Variants in C4orf50 observed in about 807,000 individuals in gnomAD.
C4orf50 encodes uncharacterized protein C4orf50.
C4orf50 carries 80 observed loss-of-function variants against 77.2 expected under a neutral mutation model. That is an observed-to-expected ratio of 1.04 (90% CI 0.87 to 1.25). C4orf50 has a LOEUF of 1.25. C4orf50 is among the 50% of genes most tolerant of loss of function. C4orf50 has a pLI of 0.00. For missense variants in C4orf50, 1,257 were observed against 1,152.9 expected (o/e 1.09, Z -1.31); for synonymous variants, 532 against 465.3 (o/e 1.14, Z -1.84).
chr4:5,991,523 T>C (rs1721296228), intron 27 of C4orf50, among the ~76,000 whole-genome samples: 1 of 152,188 alleles, frequency 6.6e-6, no homozygotes, highest in Non-Finnish European at 1.5e-5. Flanking sequence ...TTCACTTATG[T>C]GATGTGTTTA....
intron 7 of C4orf50, among the ~76,000 whole-genome samples, chr4:5,917,414 T>C (rs929130785): frequency 9.4e-6 from 1 of 105,982 alleles, no homozygotes; most frequent in Admixed American, 8.6e-5. Flanking sequence ...TTCTTTTTTT[T>C]TTTTTTTTTT....
chr4:5,997,593 C>A (rs1183480129), intron 25 of C4orf50, among the ~76,000 whole-genome samples: 1 of 152,204 alleles, frequency 6.6e-6, no homozygotes, highest in Non-Finnish European at 1.5e-5. Flanking sequence ...TACATTTCAA[C>A]CCTCAAGAAA....
intron 30 of C4orf50, among the ~76,000 whole-genome samples, chr4:5,975,095 G>A (rs897500433): frequency 3.9e-5 from 5 of 127,172 alleles, no homozygotes; most frequent in East Asian, 2.8e-4. Context: ...AGCCAAAATC[G>A]TACCATTGCA....
intron 7 of C4orf50, among the ~76,000 whole-genome samples, chr4:5,938,523 T>C (rs1225759176): frequency 1.3e-5 from 2 of 152,190 alleles, no homozygotes; most frequent in African/African-American, 2.4e-5. Context: ...CTTCCCAGCA[T>C]TGAATAAGAA....
chr4:5,980,348 TCA>T lies in C4orf50; in HGVS notation c.3700-12_3700-11del, dbSNP rs1428848799. 1.2e-6 allele frequency: 2 copies of T among 1,608,098 alleles called. No homozygotes were observed. The highest frequency in any genetic ancestry group is 2.7e-5 in the African/African-American group (2 of 74,576). ...CCTCTGAGTCCCGGAGCTGCGGAAA[TCA>T]CAGATTTGAATGAAATGTTTAGGTT... On this transcript the variant is annotated splice_polypyrimidine_tract_variant and intron_variant, in intron 28 of 33. Coordinates refer to ENST00000531445, the Ensembl canonical transcript of C4orf50.
At chr4:5,983,086 C>A (rs916978600) in intron 28 of C4orf50, among the ~76,000 whole-genome samples, 2 of 152,164 alleles carry the variant, frequency 1.3e-5, no homozygotes, top group African/African-American at 4.8e-5. Context: ...CACCAAGTCC[C>A]GTGGACTCCA....
chr4:5,989,456 A>C, exon 28 of C4orf50: 12 of 1,536,068 alleles, frequency 7.8e-6, no homozygotes, highest in Non-Finnish European at 7.8e-6. Flanking sequence ...TCATTAGAAC[A>C]AATACCCCAA....
chr4:5,987,218 C>G (rs1011290109), intron 28 of C4orf50, among the ~76,000 whole-genome samples: 1 of 151,758 alleles, frequency 6.6e-6, no homozygotes, highest in Non-Finnish European at 1.5e-5. Context: ...CGAGACCAGC[C>G]TGGGCAACAT....
rs977194499 is a variant in C4orf50, at chr4:6,009,053, C to T, written c.427-521G>A. Among the ~76,000 whole-genome samples, 12 of 152,224 alleles carry T rather than the reference C, an allele frequency of 7.9e-5. No homozygotes were observed. Among genetic ancestry groups the T allele is most frequent in the Non-Finnish European group, 1.5e-4 (10 of 68,052 alleles). Reference sequence around the variant, plus strand: ...ACAGCAGCTGTCATTACTGTGGATACTCCACCTGGAGGGAGGTACGTTACT... The same window carrying T: ...ACAGCAGCTGTCATTACTGTGGATATTCCACCTGGAGGGAGGTACGTTACT... On this transcript the variant is annotated intron_variant, in intron 24 of 33. Transcript: ENST00000531445. The surrounding 1 kb of genome is among the most constrained non-coding windows in gnomAD (Gnocchi z 5.6).
exon 29 of C4orf50, chr4:5,980,246 G>A (rs1410848481): frequency 1.8e-5 from 29 of 1,612,618 alleles, no homozygotes; most frequent in African/African-American, 2.7e-5. Flanking sequence ...CCTGGTCCCT[G>A]AGCTGGCACT....
exon 34 of C4orf50, chr4:5,959,096 G>C: frequency 3.0e-6 from 1 of 337,626 alleles, no homozygotes; most frequent in Non-Finnish European, 5.5e-6. Context: ...GTGCCCAGTT[G>C]AGAACCTCTG....
intron 31 of C4orf50, among the ~76,000 whole-genome samples, chr4:5,968,245 C>T (rs1719698725): frequency 6.6e-6 from 1 of 152,186 alleles, no homozygotes; most frequent in Admixed American, 6.5e-5. Context: ...TCAAATGTTG[C>T]CTCCTCTGTG....
intron 23 of C4orf50, among the ~76,000 whole-genome samples, chr4:6,013,712 G>A (rs188670402): frequency 4.6e-5 from 7 of 152,148 alleles, no homozygotes; most frequent in African/African-American, 1.4e-4. Flanking sequence ...GCATGCAGCT[G>A]GGTCCAAAGA....
At chr4:5,973,115 C>T (rs549304256) in intron 31 of C4orf50, among the ~76,000 whole-genome samples, 2 of 152,308 alleles carry the variant, frequency 1.3e-5, no homozygotes, top group East Asian at 1.9e-4. Context: ...CTGGGCCCAT[C>T]GGAGATGGGC....
chr4:5,959,736 G>T, intron 33 of C4orf50, 110 bp from the exon 12 acceptor site: 1 of 1,355,944 alleles, frequency 7.4e-7, no homozygotes, highest in Non-Finnish European at 9.8e-7. Flanking sequence ...TAACGGTTTC[G>T]GGGCACTTTC....
intron 28 of C4orf50, 114 bp downstream of exon 6, chr4:5,988,233 G>C: frequency 2.2e-6 from 3 of 1,350,100 alleles, no homozygotes; most frequent in Non-Finnish European, 2.0e-6. Flanking sequence ...CTGGTAAGTG[G>C]GGAGGATGAT....
chr4:5,932,739 C>A lies in C4orf50; in HGVS notation c.*2474+24162G>T, dbSNP rs2108745886. ...TAACAGGTGTGAGTCACTGCACCCACATTACAGTATTAAAAAAGCAAGAGA... is the reference window on the plus strand; with the variant it reads ...TAACAGGTGTGAGTCACTGCACCCAAATTACAGTATTAAAAAAGCAAGAGA... On this transcript the variant is annotated intron_variant, in intron 7 of 7. Transcript: ENST00000324058. This position sits in a 1 kb window ranked among gnomAD's most constrained non-coding sequence, Gnocchi z 4.2. 1.3e-5 allele frequency among the ~76,000 whole-genome samples: 2 copies of A among 152,298 alleles called. No individual in the cohort carries two copies. The highest frequency in any genetic ancestry group is 4.2e-4 in the South Asian group (2 of 4,818).
downstream of C4orf50, among the ~76,000 whole-genome samples, chr4:5,953,606 G>C (rs191708047): frequency 3.6e-4 from 55 of 152,326 alleles, no homozygotes; most frequent in African/African-American, 1.3e-3. Context: ...CGGCAGGACT[G>C]TTCTCAGGCC....
intron 7 of C4orf50, among the ~76,000 whole-genome samples, chr4:5,948,286 A>G (rs1718567399): frequency 6.6e-6 from 1 of 152,240 alleles, no homozygotes; most frequent in African/African-American, 2.4e-5. Flanking sequence ...TGATGAAAGA[A>G]TGGTATTATA....
Sources: allele counts gnomAD v4.1 joint callset (sites outside exome capture counted in the v4.1 genomes callset), GRCh38; gene constraint gnomAD v4.1.1; non-coding constraint Gnocchi (gnomAD v3.1); transcripts MANE v1.5; gene names NCBI Gene and HGNC (gene_info 2026-07-23, HGNC 2026-07-21).